Variants in NAALADL2 observed in about 807,000 individuals in gnomAD.
The protein encoded by NAALADL2 is inactive N-acetylated-alpha-linked acidic dipeptidase-like protein 2.
NAALADL2 carries 76 observed loss-of-function variants against 87.2 expected under a neutral mutation model. That is an observed-to-expected ratio of 0.87 (90% CI 0.72 to 1.05). NAALADL2 has a LOEUF of 1.05. Among genes scored for constraint, NAALADL2 ranks in the 50% least tolerant of loss-of-function variants. NAALADL2 has a pLI of 0.00. For synonymous variants in NAALADL2, 354 were observed against 331.0 expected, an observed-to-expected ratio of 1.07 and a Z score of -0.75; for missense variants, 1,089 against 945.8, an observed-to-expected ratio of 1.15 and a Z score of -1.99.
chr3:175,489,878 C>A (rs62287074), intron 9 of NAALADL2, among the ~76,000 whole-genome samples: 50,199 of 152,038 alleles, frequency 0.33, 9,087 homozygotes, highest in African/African-American at 0.48. Flanking sequence ...ATAGTCTCTA[C>A]ATTAGTATAT....
chr3:175,280,826 T>A (rs1008989982), intron 4 of NAALADL2, among the ~76,000 whole-genome samples: 1 of 151,998 alleles, frequency 6.6e-6, no homozygotes, highest in Non-Finnish European at 1.5e-5. Flanking sequence ...TTTTGAATCA[T>A]TTTTGTTGAC....
intron 2 of NAALADL2, among the ~76,000 whole-genome samples, chr3:174,668,295 C>T (rs1726167715): frequency 6.6e-6 from 1 of 151,990 alleles, no homozygotes; most frequent in Admixed American, 6.6e-5. Context: ...AGATACTTTC[C>T]CCTTTCCATA....
chr3:174,535,039 A>G (rs1721607303), intron 1 of NAALADL2, among the ~76,000 whole-genome samples: 1 of 152,198 alleles, frequency 6.6e-6, no homozygotes, highest in South Asian at 2.1e-4. Flanking sequence ...CTACTGCTCT[A>G]GGTAAATTAA....
At chr3:175,674,798 G>A (rs1205617871) in intron 11 of NAALADL2, among the ~76,000 whole-genome samples, 2 of 152,096 alleles carry the variant, frequency 1.3e-5, no homozygotes, top group Non-Finnish European at 2.9e-5. Flanking sequence ...TTCATTGGAA[G>A]TCTAGGCATT....
At chr3:174,869,715 A>C (rs1727570178) in intron 1 of NAALADL2, among the ~76,000 whole-genome samples, 1 of 152,214 alleles carries the variant, frequency 6.6e-6, no homozygotes, top group African/African-American at 2.4e-5. Flanking sequence ...AGTGTCAGTG[A>C]ATGTGGGAAA....
At chr3:174,737,929 G>A (rs1733372568) in intron 3 of NAALADL2, among the ~76,000 whole-genome samples, 1 of 151,774 alleles carries the variant, frequency 6.6e-6, no homozygotes, top group African/African-American at 2.4e-5. Flanking sequence ...TTATTTCATG[G>A]GTTTAAGCCC....
intron 2 of NAALADL2, among the ~76,000 whole-genome samples, chr3:174,707,602 C>CAGTT (rs1560161028): frequency 8.8e-5 from 12 of 136,172 alleles, no homozygotes; most frequent in African/African-American, 3.4e-4. Flanking sequence ...ACAATGAGAA[C>CAGTT]GCCTGGACAC....
intron 1 of NAALADL2, among the ~76,000 whole-genome samples, chr3:174,922,870 C>T (rs1415701342): frequency 6.6e-6 from 1 of 152,154 alleles, no homozygotes; most frequent in African/African-American, 2.4e-5. Context: ...ATTATCAAGA[C>T]TTATCAGTAT....
intron 3 of NAALADL2, among the ~76,000 whole-genome samples, chr3:174,787,610 T>TATACACAC (rs1259364058): frequency 8.9e-6 from 1 of 111,854 alleles, no homozygotes; most frequent in African/African-American, 3.0e-5. Context: ...TATATATATA[T>TATACACAC]ATATATATAT....
intron 4 of NAALADL2, among the ~76,000 whole-genome samples, chr3:175,311,936 G>T (rs550285842): frequency 6.6e-6 from 1 of 152,078 alleles, no homozygotes; most frequent in Non-Finnish European, 1.5e-5. Context: ...CCTAATTAAA[G>T]GTGTTCAGTG....
chr3:174,877,398 C>T (rs997009860), intron 1 of NAALADL2, among the ~76,000 whole-genome samples: 1 of 152,030 alleles, frequency 6.6e-6, no homozygotes, highest in East Asian at 1.9e-4. Flanking sequence ...TTTCATAAAT[C>T]AGCATATGAA....
At chr3:175,432,533 C>T (rs565938100) in intron 5 of NAALADL2, among the ~76,000 whole-genome samples, 1 of 152,156 alleles carries the variant, frequency 6.6e-6, no homozygotes, top group Non-Finnish European at 1.5e-5. Context: ...GTAGTCATCT[C>T]CGGTTAACCT....
intron 3 of NAALADL2, among the ~76,000 whole-genome samples, chr3:174,832,709 G>A (rs1469812647): frequency 1.4e-4 from 21 of 152,004 alleles, no homozygotes; most frequent in African/African-American, 4.1e-4. Context: ...GTCGTGATCC[G>A]CCCGCCTCAG....
chr3:174,552,256 A>G (rs531491362), intron 2 of NAALADL2, among the ~76,000 whole-genome samples: 2 of 152,300 alleles, frequency 1.3e-5, no homozygotes, highest in East Asian at 3.9e-4. Flanking sequence ...GGCATCTCCT[A>G]TATACAATTC....
rs187694741 is a variant in NAALADL2, at chr3:174,771,581, G to A, written c.-9+33835G>A. On this transcript the variant is annotated intron_variant, in intron 3 of 3. Coordinates refer to the NAALADL2 transcript ENST00000434257. Reference sequence around the variant, plus strand: ...AAAGGAATGGCGAAACATGCACATCGTAGAAAGAAGTAAATTGGAGCCTGA... The same window carrying A: ...AAAGGAATGGCGAAACATGCACATCATAGAAAGAAGTAAATTGGAGCCTGA... 7.9e-5 allele frequency among the ~76,000 whole-genome samples: 12 copies of A among 152,278 alleles called. 1 individual carries two copies. The South Asian group carries it at 1.0e-3, about 13-fold the overall frequency.
intron 2 of NAALADL2, among the ~76,000 whole-genome samples, chr3:175,114,602 A>G (rs1386513353): frequency 1.3e-5 from 2 of 151,786 alleles, no homozygotes; most frequent in Non-Finnish European, 3.0e-5. Context: ...ACGAGGCATT[A>G]CTAATCACCA....
intron 13 of NAALADL2, among the ~76,000 whole-genome samples, chr3:175,769,458 C>T (rs1352523433): frequency 6.6e-6 from 1 of 152,074 alleles, no homozygotes; most frequent in African/African-American, 2.4e-5. Flanking sequence ...GCCTAGAGGC[C>T]ATAGAGAGGG....
intron 2 of NAALADL2, among the ~76,000 whole-genome samples, chr3:174,611,463 G>C (rs928533894): frequency 6.6e-6 from 1 of 151,730 alleles, no homozygotes; most frequent in Non-Finnish European, 1.5e-5. Flanking sequence ...TTTTTGATTT[G>C]TTCTTTTTTA....
At chr3:175,085,990 C>T (rs1580363585) in intron 1 of NAALADL2, among the ~76,000 whole-genome samples, 1 of 152,128 alleles carries the variant, frequency 6.6e-6, no homozygotes, top group Admixed American at 6.5e-5. Context: ...TGGAAAGTCT[C>T]ACCAGTTGCA....
Sources: allele counts gnomAD v4.1 joint callset (sites outside exome capture counted in the v4.1 genomes callset), GRCh38; gene constraint gnomAD v4.1.1; transcripts MANE v1.5; gene names NCBI Gene and HGNC (gene_info 2026-07-23, HGNC 2026-07-21).